Variants in CALB2 observed in about 807,000 individuals in gnomAD.
CALB2 encodes the protein calretinin.
In CALB2, 34 loss-of-function variants were observed where a neutral mutation model predicts 45.9. The observed-to-expected ratio is 0.74, with a 90% CI of 0.56 to 0.99. The LOEUF (loss-of-function observed/expected upper bound fraction) is 0.99. CALB2 is among the 50% of genes least tolerant of loss of function. The pLI, the probability that CALB2 is intolerant of heterozygous loss-of-function variation, is 0.00. For missense variants in CALB2, 344 were observed against 339.3 expected, an observed-to-expected ratio of 1.01 and a Z score of -0.11; for synonymous variants, 142 against 129.6, an observed-to-expected ratio of 1.10 and a Z score of -0.65.
Position 71,372,181 on chromosome 16 carries a change from A to G in CALB2, c.123A>G (p.Leu41=), listed in dbSNP as rs144800285. The part of the protein sequence containing the change: ...DGNGYIEGKE[L]ENFFQELEKA... ...ATGGGTATATTGAAGGTAAAGAGCT[A>G]GAAAACTTTTTCCAAGAGCTGGAGA... Residue 41 remains leucine (L), a synonymous_variant, in exon 2 of 11, where the codon CTA becomes CTG. Transcript: ENST00000302628. The G allele has an allele frequency of 5.5e-5, 88 of 1,612,520 alleles. No individual in the cohort carries two copies. In the East Asian group the frequency reaches 1.7e-3, roughly 31 times the overall value.
intron 1 of CALB2, among the ~76,000 whole-genome samples, chr16:71,360,744 G>C (rs980661334): frequency 3.3e-5 from 5 of 152,174 alleles, no homozygotes; most frequent in Admixed American, 2.6e-4. Flanking sequence ...AAGCACAATT[G>C]CACCTTCTCA....
At chr16:71,368,868 TGGA>T (rs2042315459) in intron 1 of CALB2, among the ~76,000 whole-genome samples, 1 of 152,162 alleles carries the variant, frequency 6.6e-6, no homozygotes, top group Non-Finnish European at 1.5e-5. Context: ...GGCGAGGCAC[TGGA>T]TGATTGTCTG....
chr16:71,383,402 G>A lies in CALB2; in HGVS notation c.435G>A (p.Arg145=). Residue 145 remains arginine, a synonymous_variant, in exon 6 of 11, where the codon CGG becomes CGA. Transcript: ENST00000302628. The part of the protein sequence containing the change: ...FLSDLLKKAN[R]PYDEPKLQEY... ...CAGACCTGCTGAAGAAGGCGAACCG[G>A]CCGTACGATGAGCCCAAGCTCCAGG... 1 of 1,614,110 alleles carries A rather than the reference G, an allele frequency of 6.2e-7. No individual in the cohort carries two copies. The highest frequency in any genetic ancestry group is 2.2e-5 in the East Asian group (1 of 44,884).
At chr16:71,378,422 G>A (rs1419854141) in intron 4 of CALB2, among the ~76,000 whole-genome samples, 1 of 151,982 alleles carries the variant, frequency 6.6e-6, no homozygotes, top group Non-Finnish European at 1.5e-5. Context: ...GTGGGATATG[G>A]TGGTGCACAC....
intron 1 of CALB2, among the ~76,000 whole-genome samples, chr16:71,369,249 G>C (rs1232583822): frequency 6.6e-6 from 1 of 152,192 alleles, no homozygotes; most frequent in Non-Finnish European, 1.5e-5. Flanking sequence ...CATGGCAGCT[G>C]CATGAGGAGG....
At chr16:71,383,301 G>A in intron 5 of CALB2, 66 bp from the exon 6 acceptor site, 1 of 1,402,184 alleles carries the variant, frequency 7.1e-7, no homozygotes, top group Non-Finnish European at 1.0e-6. Context: ...GAATGAGCAA[G>A]TAAGGAAATG....
chr16:71,363,005 C>T (rs114661379), intron 1 of CALB2, among the ~76,000 whole-genome samples: 1,749 of 147,560 alleles, frequency 0.012, 32 homozygotes, highest in African/African-American at 0.041. Flanking sequence ...TACAGTGAGA[C>T]CCCCCCTCCC....
intron 1 of CALB2, among the ~76,000 whole-genome samples, chr16:71,360,010 C>T (rs550155965): frequency 2.0e-5 from 3 of 152,362 alleles, no homozygotes; most frequent in African/African-American, 7.2e-5. Context: ...TGCACAGCCC[C>T]CCAGGGGGCC....
At chr16:71,385,294 C>G in intron 9 of CALB2, 2 of 399,654 alleles carry the variant, frequency 5.0e-6, no homozygotes, top group East Asian at 4.0e-5. Flanking sequence ...AAATAGCCCC[C>G]GGACTCAGGG....
chr16:71,358,852 G>T lies in CALB2; in HGVS notation c.60G>T (p.Gln20His). ...ACCTGGCCGAGCTGACGGCGTCCCA[G>T]TTCCTGGAAATATGGAAGCACTTTG... ...YLHLAELTAS[Q>H]FLEIWKHFDA... The change falls in exon 1 of 11, where the codon CAG becomes CAT. Residue 20 changes from glutamine to histidine, a missense_variant. This residue lies in a region of CALB2 where 77 missense variants were observed against 80.5 expected (regional missense o/e 0.96). Transcript: ENST00000302628. 6.2e-7 allele frequency: 1 copy of T among 1,613,270 alleles called. No individual in the cohort carries two copies. The highest frequency in any genetic ancestry group is 8.5e-7 in the Non-Finnish European group (1 of 1,179,850).
intron 1 of CALB2, among the ~76,000 whole-genome samples, chr16:71,362,708 T>A (rs904455821): frequency 1.3e-5 from 2 of 152,210 alleles, no homozygotes; most frequent in Non-Finnish European, 2.9e-5. Flanking sequence ...TTATTATGAA[T>A]GATATATGTA....
rs2042248413 is a variant in CALB2 at position 71,362,888 on chromosome 16, T to A, written c.94+4002T>A. Among the ~76,000 whole-genome samples, 3 of 152,070 alleles carry A rather than the reference T, an allele frequency of 2.0e-5. No individual in the cohort carries two copies. The South Asian group carries it at 6.2e-4, about 32-fold the overall frequency. ...TGTAGTCAGCAAAACAATAAAGATA[T>A]AAGAAGGGAGGCCAGGCACAGTGGC... On this transcript the variant is annotated intron_variant, in intron 1 of 10. Transcript: ENST00000302628.
intron 1 of CALB2, among the ~76,000 whole-genome samples, chr16:71,366,338 T>TG (rs1265421571): frequency 8.2e-4 from 38 of 46,342 alleles, no homozygotes; most frequent in Admixed American, 2.5e-3. Context: ...TTTTTTTTTT[T>TG]TTTTTTGAGA....
intron 7 of CALB2, 106 bp downstream of exon 7, chr16:71,384,131 A>T: frequency 1.6e-6 from 2 of 1,265,038 alleles, no homozygotes; most frequent in African/African-American, 1.5e-5. Context: ...GCGGGTGTCA[A>T]GAAGCTCAAG....
chr16:71,365,950 A>T (rs1315977172), intron 1 of CALB2, among the ~76,000 whole-genome samples: 1 of 147,484 alleles, frequency 6.8e-6, no homozygotes, highest in Non-Finnish European at 1.5e-5. Flanking sequence ...TTCCCAGGTG[A>T]TCCTAATACA....
intron 4 of CALB2, among the ~76,000 whole-genome samples, chr16:71,382,139 A>AGAAGGAAGGAGGGAAAAG (rs2042503696): frequency 1.5e-5 from 1 of 64,698 alleles, no homozygotes; most frequent in African/African-American, 1.0e-4. Flanking sequence ...AAGGAAGGAA[A>AGAAGGAAGGAGGGAAAAG]GAAGGAAGGA....
chr16:71,384,489 C>CAT, intron 8 of CALB2, 111 bp downstream of exon 8: 1 of 867,788 alleles, frequency 1.2e-6, no homozygotes, highest in South Asian at 1.3e-5. Context: ...CCCACACACA[C>CAT]CACACACACA....
intron 4 of CALB2, among the ~76,000 whole-genome samples, chr16:71,379,733 A>G (rs1289663517): frequency 6.6e-6 from 1 of 152,200 alleles, no homozygotes; most frequent in Admixed American, 6.5e-5. Context: ...GCCTGTAACA[A>G]CTGGAGAGCT....
chr16:71,369,349 G>A (rs572614524), intron 1 of CALB2, among the ~76,000 whole-genome samples: 4 of 152,284 alleles, frequency 2.6e-5, no homozygotes, highest in South Asian at 4.1e-4. Context: ...GGGAGGAGAA[G>A]AACCAGGTGT....
Sources: allele counts gnomAD v4.1 joint callset (sites outside exome capture counted in the v4.1 genomes callset), GRCh38; gene constraint gnomAD v4.1.1; regional missense constraint gnomAD v4.1.1; transcripts MANE v1.5; gene names NCBI Gene and HGNC (gene_info 2026-07-23, HGNC 2026-07-21).